Variants in ELF1 observed in about 807,000 individuals in gnomAD.
The protein encoded by ELF1 is ETS-related transcription factor Elf-1.
Under a neutral mutation model 59.9 loss-of-function variants are expected in ELF1, and 24 were observed. That is an observed-to-expected ratio of 0.40 (90% CI 0.29 to 0.56). The LOEUF (loss-of-function observed/expected upper bound fraction) is 0.56. Among genes scored for constraint, ELF1 ranks in the 20% least tolerant of loss-of-function variants. The pLI, the probability that ELF1 is intolerant of heterozygous loss-of-function variation, is 0.44. For missense variants in ELF1, 627 were observed against 742.2 expected (o/e 0.84, Z 1.80); for synonymous variants, 248 against 266.2 (o/e 0.93, Z 0.67).
At chr13:40,961,607 T>TA (rs1871827749) in intron 2 of ELF1, among the ~76,000 whole-genome samples, 1 of 152,166 alleles carries the variant, frequency 6.6e-6, no homozygotes, top group African/African-American at 2.4e-5. Context: ...CTCACATAAA[T>TA]ACACTTCACA....
chr13:41,041,501 T>C (rs1417884845), intron 1 of ELF1, among the ~76,000 whole-genome samples: 1 of 151,972 alleles, frequency 6.6e-6, no homozygotes. Flanking sequence ...GGAGAAACCT[T>C]GTCTCTACAA....
Position 40,993,073 on chromosome 13 carries a change from T to C in ELF1, c.-228-10791A>G, listed in dbSNP as rs1873948428. On this transcript the variant is annotated intron_variant, in intron 1 of 8. Coordinates refer to ENST00000239882, the MANE Select transcript of ELF1 (RefSeq NM_172373.4). ...TTTCTTCCTGCTGGGGCCTTCATCATCTTGTCAAAATTTTGAGACCAGGGC... is the reference window on the plus strand; with the variant it reads ...TTTCTTCCTGCTGGGGCCTTCATCACCTTGTCAAAATTTTGAGACCAGGGC... 11 of 1,608,392 alleles carry C rather than the reference T, an allele frequency of 6.8e-6. No homozygotes were observed. The South Asian group carries it at 1.2e-4, about 18-fold the overall frequency.
chr13:40,965,908 G>C (rs1349452406), intron 2 of ELF1, among the ~76,000 whole-genome samples: 1 of 152,156 alleles, frequency 6.6e-6, no homozygotes, highest in Non-Finnish European at 1.5e-5. Flanking sequence ...CAGACTATCT[G>C]GGGGTGTGAC....
At chr13:41,032,822 C>T (rs1044025885) in intron 1 of ELF1, among the ~76,000 whole-genome samples, 1 of 149,756 alleles carries the variant, frequency 6.7e-6, no homozygotes, top group Non-Finnish European at 1.5e-5. Context: ...TGCACTCACC[C>T]TGGGTGACAG....
intron 8 of ELF1, among the ~76,000 whole-genome samples, chr13:40,936,530 G>A (rs1016820159): frequency 2.0e-5 from 3 of 152,142 alleles, no homozygotes; most frequent in African/African-American, 7.2e-5. Context: ...AAGGTGGGTG[G>A]ATCACAAGGT....
chr13:41,021,578 C>T (rs1208476129), upstream of ELF1, among the ~76,000 whole-genome samples: 1 of 152,208 alleles, frequency 6.6e-6, no homozygotes, highest in East Asian at 1.9e-4. Context: ...GCTCTGCTAC[C>T]TATTAGCTAT....
At chr13:40,941,546 AGAGAT>A (rs1343437329) in intron 7 of ELF1, among the ~76,000 whole-genome samples, 176 bp from the exon 8 acceptor site, 1 of 152,256 alleles carries the variant, frequency 6.6e-6, no homozygotes, top group Non-Finnish European at 1.5e-5. Context: ...ATGCACAGAT[AGAGAT>A]AAGTTCTTAT....
intron 1 of ELF1, among the ~76,000 whole-genome samples, chr13:41,007,773 C>G (rs1342822442): frequency 6.6e-6 from 1 of 152,144 alleles, no homozygotes; most frequent in African/African-American, 2.4e-5. Context: ...TGTATTATTT[C>G]TAATGCTGCA....
chr13:40,987,699 T>C (rs1164678121), intron 1 of ELF1, among the ~76,000 whole-genome samples: 1 of 151,714 alleles, frequency 6.6e-6, no homozygotes, highest in Non-Finnish European at 1.5e-5. Flanking sequence ...CTTAAAGCAA[T>C]GACGTGGTTG....
chr13:41,015,618 T>A (rs1416516005), intron 1 of ELF1, among the ~76,000 whole-genome samples: 1 of 152,178 alleles, frequency 6.6e-6, no homozygotes, highest in Non-Finnish European at 1.5e-5. Context: ...TTTAAGCAAA[T>A]CCTACGCCTA....
intron 1 of ELF1, among the ~76,000 whole-genome samples, chr13:40,989,104 G>C (rs1003038528): frequency 6.6e-6 from 1 of 152,052 alleles, no homozygotes; most frequent in Non-Finnish European, 1.5e-5. Context: ...AGCCTTTCTA[G>C]CTATTTTAAA....
intron 1 of ELF1, among the ~76,000 whole-genome samples, chr13:41,006,864 ATACG>A: frequency 6.6e-6 from 1 of 152,326 alleles, no homozygotes; most frequent in East Asian, 1.9e-4. Flanking sequence ...AATTTAGTAC[ATACG>A]TACATTTTGT....
intron 1 of ELF1, among the ~76,000 whole-genome samples, chr13:41,057,720 G>A (rs1456605552): frequency 6.6e-6 from 1 of 152,128 alleles, no homozygotes; most frequent in Non-Finnish European, 1.5e-5. Flanking sequence ...ATATTAAAGA[G>A]GTTATTTGGG....
intron 1 of ELF1, among the ~76,000 whole-genome samples, chr13:40,997,382 C>T (rs1264795652): frequency 3.3e-5 from 5 of 152,092 alleles, no homozygotes; most frequent in Non-Finnish European, 7.4e-5. Flanking sequence ...CTCTGCCTCC[C>T]GAGTAGCTGG....
chr13:41,045,953 T>A (rs1396718915), intron 1 of ELF1, among the ~76,000 whole-genome samples: 1 of 152,232 alleles, frequency 6.6e-6, no homozygotes, highest in Non-Finnish European at 1.5e-5. Flanking sequence ...ACTTGCTTCA[T>A]GAATCTGGGG....
intron 1 of ELF1, among the ~76,000 whole-genome samples, chr13:41,054,266 A>G (rs2138438321): frequency 6.6e-6 from 1 of 152,368 alleles, no homozygotes; most frequent in African/African-American, 2.4e-5. Flanking sequence ...AAATTCAGAG[A>G]AAAAATTAAT....
chr13:40,983,729 T>C (rs1873409384), intron 1 of ELF1, among the ~76,000 whole-genome samples: 1 of 152,326 alleles, frequency 6.6e-6, no homozygotes, highest in East Asian at 1.9e-4. Flanking sequence ...CACAGATAGA[T>C]ACATTTGGCC....
intron 1 of ELF1, among the ~76,000 whole-genome samples, chr13:41,056,852 C>T (rs374413396): frequency 1.3e-5 from 2 of 151,898 alleles, no homozygotes; most frequent in Non-Finnish European, 2.9e-5. Context: ...TAATGTTGAC[C>T]TGAGATGTGC....
chr13:41,051,522 T>C (rs1666047369), intron 1 of ELF1, among the ~76,000 whole-genome samples: 1 of 152,054 alleles, frequency 6.6e-6, no homozygotes, highest in South Asian at 2.1e-4. Context: ...TTGAATTAAA[T>C]GTTTGATTAA....
Sources: allele counts gnomAD v4.1 joint callset (sites outside exome capture counted in the v4.1 genomes callset), GRCh38; gene constraint gnomAD v4.1.1; transcripts MANE v1.5; gene names NCBI Gene and HGNC (gene_info 2026-07-23, HGNC 2026-07-21).